The following CEP85L variants were observed in gnomAD, a reference collection of about 807,000 sequenced individuals.
CEP85L encodes the protein centrosomal protein of 85 kDa-like.
In CEP85L, 60 loss-of-function variants were observed where a neutral mutation model predicts 100.3. That is an observed-to-expected ratio of 0.60 (90% confidence interval 0.49 to 0.74). The LOEUF (loss-of-function observed/expected upper bound fraction) is 0.74. CEP85L is among the 30% of genes least tolerant of loss of function. The pLI is 0.00. For synonymous variants in CEP85L, 319 were observed against 322.7 expected, an observed-to-expected ratio of 0.99 and a Z score of 0.12; for missense variants, 973 against 936.2, an observed-to-expected ratio of 1.04 and a Z score of -0.51.
chr6:118,642,767 T>TAA (rs550137252), intron 1 of CEP85L, among the ~76,000 whole-genome samples: 99 of 151,946 alleles, frequency 6.5e-4, no homozygotes, highest in African/African-American at 2.2e-3. Flanking sequence ...TATATATATA[T>TAA]AATAAATTAG....
At chr6:118,651,750 C>A (rs1192567650), upstream of CEP85L, 4 of 986,768 alleles carry the variant, frequency 4.1e-6, no homozygotes, top group Non-Finnish European at 4.8e-6. Context: ...CGCTTCGCCT[C>A]CTTGGCGGCG....
At chr6:118,498,633 G>A in intron 5 of CEP85L, among the ~76,000 whole-genome samples, 2 of 136,368 alleles carry the variant, frequency 1.5e-5, no homozygotes, top group African/African-American at 2.6e-5. Flanking sequence ...GAAAGGAAAG[G>A]AAAAAGGGAG....
rs147111961 is a variant in CEP85L at position 118,577,614 on chromosome 6, G to C, written c.233-11298C>G. Among the ~76,000 whole-genome samples, 672 of 152,268 alleles carry C rather than the reference G, an allele frequency of 4.4e-3. 8 individuals carry two copies. Among genetic ancestry groups the C allele is most frequent in the African/African-American group, 0.016 (651 of 41,556 alleles). On this transcript the variant is annotated intron_variant, in intron 2 of 12. Transcript: ENST00000368491. ...CAGTTATACTAGGAATGCCATTAAA[G>C]GAACAGCTGAACAATTAAGTTCTAC...
intron 12 of CEP85L, among the ~76,000 whole-genome samples, chr6:118,466,798 A>C (rs968098812): frequency 6.6e-6 from 1 of 152,164 alleles, no homozygotes; most frequent in African/African-American, 2.4e-5. Context: ...CAACAATGTA[A>C]AATGGATTAG....
intron 2 of CEP85L, among the ~76,000 whole-genome samples, chr6:118,618,536 C>G (rs1171532454): frequency 6.6e-6 from 1 of 152,118 alleles, no homozygotes; most frequent in African/African-American, 2.4e-5. Context: ...TTTTTGGTGC[C>G]TCTCAAGTAT....
chr6:118,683,784 T>C (rs1421960933), intron 1 of CEP85L, among the ~76,000 whole-genome samples: 5 of 152,222 alleles, frequency 3.3e-5, no homozygotes. Context: ...CTTACTCAGC[T>C]GCTTCTTGCA....
At chr6:118,523,212 T>C (rs565633724) in intron 4 of CEP85L, among the ~76,000 whole-genome samples, 2 of 152,134 alleles carry the variant, frequency 1.3e-5, no homozygotes, top group South Asian at 4.1e-4. Context: ...TTAAAGAAAA[T>C]ATAATGATGT....
intron 5 of CEP85L, among the ~76,000 whole-genome samples, chr6:118,504,567 G>A (rs1047852009): frequency 6.6e-6 from 1 of 152,056 alleles, no homozygotes. Flanking sequence ...TCTTCAATCT[G>A]GCTGTTCATC....
chr6:118,466,857 G>A (rs994937667), intron 12 of CEP85L, among the ~76,000 whole-genome samples: 1 of 152,052 alleles, frequency 6.6e-6, no homozygotes, highest in Non-Finnish European at 1.5e-5. Flanking sequence ...TATAGGTGAC[G>A]GGTTATGAAA....
At chr6:118,641,252 C>G (rs1774850026) in intron 1 of CEP85L, among the ~76,000 whole-genome samples, 1 of 152,128 alleles carries the variant, frequency 6.6e-6, no homozygotes, top group Non-Finnish European at 1.5e-5. Flanking sequence ...AAACACAAAC[C>G]CAATGCCCAT....
chr6:118,550,410 T>C (rs951953141), intron 3 of CEP85L, among the ~76,000 whole-genome samples: 47 of 151,940 alleles, frequency 3.1e-4, no homozygotes, highest in African/African-American at 1.1e-3. Context: ...ACCTAAAGTC[T>C]AGTTACCTCT....
chr6:118,570,687 A>C (rs1779837421), intron 2 of CEP85L, among the ~76,000 whole-genome samples: 1 of 152,194 alleles, frequency 6.6e-6, no homozygotes, highest in African/African-American at 2.4e-5. Context: ...AGAGTAGAGA[A>C]GGGCCTAGGA....
intron 4 of CEP85L, among the ~76,000 whole-genome samples, chr6:118,511,789 T>G (rs1775987548): frequency 6.6e-6 from 1 of 152,124 alleles, no homozygotes; most frequent in African/African-American, 2.4e-5. Context: ...AAAGTAACTT[T>G]TGGAACAAGT....
intron 1 of CEP85L, among the ~76,000 whole-genome samples, chr6:118,657,743 A>G (rs377554630): frequency 3.9e-5 from 6 of 152,214 alleles, no homozygotes; most frequent in Non-Finnish European, 5.9e-5. Flanking sequence ...CCCCCCAATT[A>G]AAAAAGTTTG....
intron 4 of CEP85L, among the ~76,000 whole-genome samples, chr6:118,518,565 T>A (rs1176366215): frequency 2.0e-5 from 3 of 152,238 alleles, no homozygotes; most frequent in Admixed American, 6.5e-5. Context: ...TTCTGTGGGA[T>A]CAGTGGTGAT....
At chr6:118,651,738 C>T (rs565600381), upstream of CEP85L, 5 of 986,718 alleles carry the variant, frequency 5.1e-6, no homozygotes, top group African/African-American at 1.7e-5. Context: ...CTACCCCGAC[C>T]CCGCTTCGCC....
At position 118,462,130 on chromosome 6, in the gene CEP85L, G is replaced by C. The variant is rs1204955687; in HGVS notation, c.*3275C>G. The C allele has an allele frequency of 6.6e-6, 1 of 151,916 alleles. No homozygotes were observed. Among genetic ancestry groups the C allele is most frequent in the Non-Finnish European group, 1.5e-5 (1 of 67,872 alleles). 9.4% of individuals were successfully genotyped at this position (151,916 alleles called of 1,614,324 possible). On this transcript the variant is annotated 3_prime_UTR_variant, in exon 13 of 13. Coordinates refer to ENST00000368491, the MANE Select transcript of CEP85L (RefSeq NM_001042475.3). ...ATTTTAGCAACACTTTCCAGCCCTT[G>C]AGATTGTCTCTACAACAAGCTATTG...
At chr6:118,607,361 T>C (rs1042473495) in intron 2 of CEP85L, among the ~76,000 whole-genome samples, 4 of 152,112 alleles carry the variant, frequency 2.6e-5, no homozygotes, top group Non-Finnish European at 5.9e-5. Context: ...GACCCACCCA[T>C]TGCAGCAACA....
chr6:118,474,438 A>G (rs529565297), intron 10 of CEP85L, among the ~76,000 whole-genome samples: 1 of 152,326 alleles, frequency 6.6e-6, no homozygotes, highest in East Asian at 1.9e-4. Context: ...TCATCCTAGC[A>G]AAGGCTGTTT....
Sources: gnomAD v4.1 joint callset for allele counts (sites outside exome capture counted in the v4.1 genomes callset) on GRCh38, gnomAD v4.1.1 for gene constraint, MANE v1.5 for transcripts, NCBI Gene and HGNC (gene_info 2026-07-23, HGNC 2026-07-21) for gene names.